Variants in DIAPH2 observed in about 807,000 individuals in gnomAD.
DIAPH2 encodes the protein diaphanous related formin 2.
DIAPH2 carries 35 observed loss-of-function variants against 92.7 expected under a neutral mutation model. The ratio of observed to expected loss-of-function variants is 0.38; its 90% CI spans 0.29 to 0.50. The LOEUF is 0.50. DIAPH2 is among the 20% of genes least tolerant of loss of function. The pLI is 0.94. For missense variants in DIAPH2, 701 were observed against 819.5 expected (o/e 0.86, Z 1.77); for synonymous variants, 301 against 280.4 (o/e 1.07, Z -0.73).
chrX:97,028,281 TTTGTTACTCTACTGAAA>T (rs2066348670), intron 17 of DIAPH2, among the ~76,000 whole-genome samples: 1 of 111,402 alleles, frequency 9.0e-6, no homozygotes, highest in African/African-American at 3.3e-5. Context: ...GGTACCCATG[TTTGTTACTCTACTGAAA>T]CTACTCTCTC....
intron 4 of DIAPH2, among the ~76,000 whole-genome samples, chrX:96,781,295 A>G (rs2064416177): frequency 1.8e-5 from 2 of 111,550 alleles, no homozygotes; most frequent in Non-Finnish European, 1.9e-5. Flanking sequence ...TAGGAAGGCA[A>G]CAATATCATG....
At chrX:96,984,727 C>T (rs971651464) in intron 17 of DIAPH2, among the ~76,000 whole-genome samples, 9 of 111,066 alleles carry the variant, frequency 8.1e-5, no homozygotes, top group Admixed American at 1.9e-4. Context: ...GGGTTCTGCA[C>T]GTTCCTTAGC....
At chrX:96,920,342 G>T (rs1042564478) in intron 9 of DIAPH2, among the ~76,000 whole-genome samples, 1 of 111,248 alleles carries the variant, frequency 9.0e-6, no homozygotes, top group Non-Finnish European at 1.9e-5. Flanking sequence ...AATTTCACTG[G>T]TTTTTCAGAT....
At chrX:97,161,050 TG>T (rs1350909916) in intron 22 of DIAPH2, among the ~76,000 whole-genome samples, 8 of 89,804 alleles carry the variant, frequency 8.9e-5, no homozygotes, top group African/African-American at 1.8e-4. Context: ...TTTGTTTTTT[TG>T]TTTTTTTTTT....
At chrX:97,298,290 T>G (rs1486788445) in intron 23 of DIAPH2, among the ~76,000 whole-genome samples, 3 of 100,996 alleles carry the variant, frequency 3.0e-5, no homozygotes, top group African/African-American at 1.1e-4. Flanking sequence ...GAACATGATA[T>G]CTGACATTGT....
rs2071610787 is a variant in DIAPH2, at chrX:97,604,650, T to C, written c.*5333T>C. 1 of 112,339 alleles carries C rather than the reference T, an allele frequency of 8.9e-6. No homozygotes were observed. The allele number at this position is 112,339 out of a possible 1,213,427, so 9.3% of individuals were successfully genotyped here. ...TCCCAACTCTGTGCTCTGATGTACC[T>C]CTTCTGCCCCTTTTATGACACCTTT... On this transcript the variant is annotated 3_prime_UTR_variant, in exon 27 of 27. Coordinates refer to ENST00000324765, the MANE Select transcript of DIAPH2 (RefSeq NM_006729.5).
At chrX:97,486,017 A>G (rs1442031026) in intron 26 of DIAPH2, among the ~76,000 whole-genome samples, 2 of 84,977 alleles carry the variant, frequency 2.4e-5, no homozygotes, top group Admixed American at 2.7e-4. Flanking sequence ...GTGTACCGAA[A>G]ATAAAAAAAA....
intron 4 of DIAPH2, among the ~76,000 whole-genome samples, chrX:96,872,641 G>A (rs1346119384): frequency 2.8e-5 from 3 of 108,654 alleles, no homozygotes; most frequent in Non-Finnish European, 5.7e-5. Flanking sequence ...ACAGGTGCAC[G>A]CCACCACGCC....
At chrX:97,143,204 C>T (rs1315452648) in intron 22 of DIAPH2, among the ~76,000 whole-genome samples, 2 of 111,097 alleles carry the variant, frequency 1.8e-5, no homozygotes, top group Non-Finnish European at 3.8e-5. Context: ...TTTAAAAATA[C>T]AGCTTTCTGA....
intron 23 of DIAPH2, among the ~76,000 whole-genome samples, chrX:97,289,266 A>G (rs2147610289): frequency 8.9e-6 from 1 of 112,377 alleles, no homozygotes; most frequent in South Asian, 3.7e-4. Flanking sequence ...ATATATGGAC[A>G]TTGTTTAATC....
intron 22 of DIAPH2, among the ~76,000 whole-genome samples, chrX:97,235,037 T>A (rs1456605688): frequency 8.9e-6 from 1 of 112,703 alleles, no homozygotes; most frequent in East Asian, 2.8e-4. Context: ...GCCAGAACAC[T>A]TGAAAGTCTC....
chrX:97,570,116 ATATATATT>A (rs1338306479), intron 26 of DIAPH2, among the ~76,000 whole-genome samples: 10 of 28,511 alleles, frequency 3.5e-4, no homozygotes, highest in African/African-American at 4.6e-4. Context: ...ATATATATAT[ATATATATT>A]AGAAGATAGA....
At chrX:97,352,081 C>T (rs1602528743) in intron 24 of DIAPH2, among the ~76,000 whole-genome samples, 1 of 110,482 alleles carries the variant, frequency 9.1e-6, no homozygotes, top group East Asian at 2.8e-4. Flanking sequence ...GTGTGTTTGG[C>T]CTCAGGGTTC....
At chrX:97,429,801 T>C in intron 26 of DIAPH2, 56 bp downstream of exon 26, 1 of 1,022,832 alleles carries the variant, frequency 9.8e-7, no homozygotes, top group East Asian at 3.3e-5. Context: ...CAGAGCAAAG[T>C]AGCAACACCA....
chrX:97,370,056 G>T (rs775016095), intron 24 of DIAPH2, among the ~76,000 whole-genome samples: 1 of 111,653 alleles, frequency 9.0e-6, no homozygotes, highest in Non-Finnish European at 1.9e-5. Context: ...AGTGAAAGAG[G>T]CTTGTTTGTG....
In DIAPH2 at chrX:96,767,093, T is replaced by C. The variant is rs562808088; in HGVS notation, c.447+8835T>C. Reference sequence around the variant, plus strand: ...TCCCATTTCCACCTACAGTAATATATCTGAACTCCTATAGCACTTTATTTT... The same window carrying C: ...TCCCATTTCCACCTACAGTAATATACCTGAACTCCTATAGCACTTTATTTT... On this transcript the variant is annotated intron_variant, in intron 4 of 26. Coordinates refer to ENST00000324765, the MANE Select transcript of DIAPH2 (RefSeq NM_006729.5). 8.9e-5 allele frequency among the ~76,000 whole-genome samples: 10 copies of C among 111,814 alleles called. No individual in the cohort carries two copies. The East Asian group carries it at 2.5e-3, about 28-fold the overall frequency.
chrX:96,939,735 A>G (rs1227435333), intron 12 of DIAPH2, among the ~76,000 whole-genome samples: 3 of 67,360 alleles, frequency 4.5e-5, no homozygotes, highest in East Asian at 4.1e-4. Context: ...CGCGATCTCG[A>G]CTCACTGCAA....
At chrX:97,104,618 C>T (rs5921333) in intron 20 of DIAPH2, among the ~76,000 whole-genome samples, 3,129 of 110,430 alleles carry the variant, frequency 0.028, 46 homozygotes, top group Middle Eastern at 0.065. Flanking sequence ...TGGCCTCTAG[C>T]AATCCTCCTG....
At chrX:97,368,899 C>CTTTTTTT (rs386417287) in intron 24 of DIAPH2, among the ~76,000 whole-genome samples, 2,052 of 51,600 alleles carry the variant, frequency 0.04, 60 homozygotes, top group Middle Eastern at 0.097. Context: ...TCTACCCTTT[C>CTTTTTTT]TTTTTTTTTT....
Sources: gnomAD v4.1 joint callset for allele counts (sites outside exome capture counted in the v4.1 genomes callset) on GRCh38, gnomAD v4.1.1 for gene constraint, MANE v1.5 for transcripts, NCBI Gene and HGNC (gene_info 2026-07-23, HGNC 2026-07-21) for gene names.